NAALADL2: variants seen among roughly 807,000 people sequenced by gnomAD.
NAALADL2 encodes the protein inactive N-acetylated-alpha-linked acidic dipeptidase-like protein 2.
In NAALADL2, 76 loss-of-function variants were observed where a neutral mutation model predicts 87.2. That is an observed-to-expected ratio of 0.87 (90% CI 0.72 to 1.05). The LOEUF (loss-of-function observed/expected upper bound fraction) is 1.05, where lower values mean the gene tolerates loss of function less well. NAALADL2 is among the 50% of genes least tolerant of loss of function. The pLI is 0.00. For missense variants in NAALADL2, 1,089 were observed against 945.8 expected, an observed-to-expected ratio of 1.15 and a Z score of -1.99; for synonymous variants, 354 against 331.0, an observed-to-expected ratio of 1.07 and a Z score of -0.75.
chr3:174,496,825 G>A (rs1045472367), intron 1 of NAALADL2, among the ~76,000 whole-genome samples: 1 of 151,990 alleles, frequency 6.6e-6, no homozygotes, highest in African/African-American at 2.4e-5. Context: ...AACTCCTTGT[G>A]GGGTATAACA....
At chr3:175,284,627 G>A (rs1157638154) in intron 4 of NAALADL2, among the ~76,000 whole-genome samples, 1 of 151,990 alleles carries the variant, frequency 6.6e-6, no homozygotes, top group Non-Finnish European at 1.5e-5. Context: ...TTCTTGTAAG[G>A]TGTGAAGAAT....
rs1305018560 is a variant in NAALADL2, at chr3:175,390,122, T to TA, written c.1091-57097dup. ...AGGTAATAAAAATTCACTTCCACTG[T>TA]AAAAAAAAAATAGAACTTTTAATTC... is the stretch of plus-strand genomic sequence containing the variant. On this transcript the variant is annotated intron_variant, in intron 5 of 13. Coordinates refer to ENST00000454872, the MANE Select transcript of NAALADL2 (RefSeq NM_207015.3). Among the ~76,000 whole-genome samples, 721 of 148,286 alleles carry TA rather than the reference T, an allele frequency of 4.9e-3. 6 individuals carry two copies. The highest frequency in any genetic ancestry group is 0.015 in the African/African-American group (600 of 40,552).
chr3:175,437,785 TA>T (rs1220888846), intron 5 of NAALADL2, among the ~76,000 whole-genome samples: 1 of 152,130 alleles, frequency 6.6e-6, no homozygotes, highest in Non-Finnish European at 1.5e-5. Context: ...TTTTAAAAAG[TA>T]AAATTATACT....
intron 3 of NAALADL2, among the ~76,000 whole-genome samples, chr3:174,850,010 T>C (rs1290811827): frequency 2.0e-5 from 3 of 152,192 alleles, no homozygotes; most frequent in Non-Finnish European, 4.4e-5. Context: ...TAACTTCAGG[T>C]AATTTATTGT....
chr3:174,541,075 T>G (rs1722180256), intron 1 of NAALADL2, among the ~76,000 whole-genome samples: 1 of 152,174 alleles, frequency 6.6e-6, no homozygotes, highest in African/African-American at 2.4e-5. Flanking sequence ...TTTCTCACAT[T>G]ATTTCCTCTT....
intron 2 of NAALADL2, among the ~76,000 whole-genome samples, chr3:174,582,056 T>A (rs1257905146): frequency 6.6e-6 from 1 of 152,180 alleles, no homozygotes; most frequent in Non-Finnish European, 1.5e-5. Flanking sequence ...AGATAGATAG[T>A]AAGGCAATCG....
chr3:174,877,195 T>A (rs970723904), intron 1 of NAALADL2, among the ~76,000 whole-genome samples: 1 of 152,134 alleles, frequency 6.6e-6, no homozygotes, highest in African/African-American at 2.4e-5. Context: ...TAAGTTGTGC[T>A]ATTCAAAGAA....
chr3:174,549,447 A>G (rs530319790), intron 1 of NAALADL2, among the ~76,000 whole-genome samples: 16 of 152,360 alleles, frequency 1.1e-4, no homozygotes, highest in African/African-American at 3.6e-4. Context: ...ATAGCTTGAT[A>G]TAAAATCACC....
chr3:175,059,424 C>T (rs1432303132), intron 1 of NAALADL2: 1 of 161,454 alleles, frequency 6.2e-6, no homozygotes, highest in Non-Finnish European at 1.4e-5. Context: ...ACCTGCTCCG[C>T]CAGTGTATCT....
intron 2 of NAALADL2, among the ~76,000 whole-genome samples, chr3:175,161,904 C>T (rs1733277930): frequency 6.6e-6 from 1 of 152,114 alleles, no homozygotes; most frequent in African/African-American, 2.4e-5. Flanking sequence ...CAGTTTACAA[C>T]ATCTTTCTCA....
At chr3:174,657,399 C>CAT (rs1725068156) in intron 2 of NAALADL2, among the ~76,000 whole-genome samples, 1 of 152,004 alleles carries the variant, frequency 6.6e-6, no homozygotes, top group African/African-American at 2.4e-5. Flanking sequence ...TCAAGCAATC[C>CAT]ACCTGACTTG....
chr3:175,392,981 A>G (rs1259685021), intron 5 of NAALADL2, among the ~76,000 whole-genome samples: 1 of 152,198 alleles, frequency 6.6e-6, no homozygotes, highest in East Asian at 1.9e-4. Context: ...AAGTTTTTTC[A>G]TCTTTAAAAT....
chr3:174,874,781 G>T (rs1213191196), intron 1 of NAALADL2, among the ~76,000 whole-genome samples: 1 of 151,988 alleles, frequency 6.6e-6, no homozygotes, highest in Non-Finnish European at 1.5e-5. Context: ...GTGATTATTT[G>T]ACTGCTGAAC....
At chr3:174,708,845 A>G (rs1730360310) in intron 2 of NAALADL2, among the ~76,000 whole-genome samples, 1 of 152,114 alleles carries the variant, frequency 6.6e-6, no homozygotes, top group African/African-American at 2.4e-5. Context: ...GAGGAAAGGA[A>G]TTTTCCATGA....
At chr3:174,750,259 G>A (rs2109035326) in intron 3 of NAALADL2, among the ~76,000 whole-genome samples, 1 of 152,164 alleles carries the variant, frequency 6.6e-6, no homozygotes, top group African/African-American at 2.4e-5. Context: ...AATTTTATCT[G>A]GGCAAATATC....
rs1754779082 is a variant in NAALADL2 at position 175,807,121 on chromosome 3, A to G, written c.*3918A>G. Reference sequence around the variant, plus strand: ...CATGACGAGTAGGCTTACAAACAGTAAAAAGAGACCAGAAACCACAAGTCT... The same window carrying G: ...CATGACGAGTAGGCTTACAAACAGTGAAAAGAGACCAGAAACCACAAGTCT... On this transcript the variant is annotated 3_prime_UTR_variant, in exon 14 of 14. Coordinates refer to ENST00000454872, the MANE Select transcript of NAALADL2 (RefSeq NM_207015.3). The G allele has an allele frequency of 6.6e-6, 1 of 151,968 alleles. No homozygotes were observed. The highest frequency in any genetic ancestry group is 3.4e-3 in the Middle Eastern group (1 of 294). The allele number at this position is 151,968 out of a possible 1,614,324, so 9.4% of individuals were successfully genotyped here. A position where few individuals can be genotyped will look rare whatever the true frequency, so the allele number is the denominator to read the frequency against.
intron 1 of NAALADL2, among the ~76,000 whole-genome samples, chr3:174,958,353 A>T (rs1226326825): frequency 6.6e-6 from 1 of 151,938 alleles, no homozygotes; most frequent in Non-Finnish European, 1.5e-5. Context: ...ATATTGAAAG[A>T]GTGGCTTTGT....
chr3:174,478,175 C>T (rs536466757), intron 1 of NAALADL2, among the ~76,000 whole-genome samples: 7 of 152,066 alleles, frequency 4.6e-5, no homozygotes, highest in Admixed American at 1.3e-4. Context: ...TAGAAACTTA[C>T]GACTGATTTA....
intron 1 of NAALADL2, among the ~76,000 whole-genome samples, chr3:174,500,645 T>C (rs1411280885): frequency 6.6e-6 from 1 of 152,216 alleles, no homozygotes; most frequent in South Asian, 2.1e-4. Flanking sequence ...CCTATCCTTC[T>C]ATTCCTAGTA....
Sources: allele counts gnomAD v4.1 joint callset (sites outside exome capture counted in the v4.1 genomes callset), GRCh38; gene constraint gnomAD v4.1.1; transcripts MANE v1.5; gene names NCBI Gene and HGNC (gene_info 2026-07-23, HGNC 2026-07-21).